The following GPR176 variants were observed in gnomAD, a reference collection of about 807,000 sequenced individuals.
The protein encoded by GPR176 is G-protein coupled receptor 176.
Under a neutral mutation model 35.4 loss-of-function variants are expected in GPR176, and 26 were observed. The ratio of observed to expected loss-of-function variants is 0.74; its 90% CI spans 0.54 to 1.02. The LOEUF (loss-of-function observed/expected upper bound fraction) is 1.02. Among genes scored for constraint, GPR176 ranks in the 50% least tolerant of loss-of-function variants. The probability of loss-of-function intolerance (pLI) is 0.00; values close to 1 mark genes in which losing one functional copy is unlikely to be tolerated. For missense variants in GPR176, 597 were observed against 665.3 expected (o/e 0.90, Z 1.13); for synonymous variants, 278 against 271.3 (o/e 1.02, Z -0.24).
At chr15:39,803,076 A>G (rs758149760) in intron 2 of GPR176, among the ~76,000 whole-genome samples, 67 of 152,142 alleles carry the variant, frequency 4.4e-4, no homozygotes, top group Admixed American at 5.2e-4. Flanking sequence ...AGGGAACTGA[A>G]TAACTCTTTG....
intron 1 of GPR176, 98 bp downstream of exon 1, chr15:39,919,757 C>A: frequency 3.2e-6 from 3 of 951,528 alleles, no homozygotes; most frequent in South Asian, 5.1e-5. Context: ...CTTTGCCAGG[C>A]ACCCGAAACC....
intron 1 of GPR176, among the ~76,000 whole-genome samples, chr15:39,855,723 T>C (rs973059566): frequency 6.6e-6 from 1 of 152,228 alleles, no homozygotes; most frequent in Non-Finnish European, 1.5e-5. Context: ...TTCTGTGAGT[T>C]GCCAAATATC....
intron 1 of GPR176, among the ~76,000 whole-genome samples, chr15:39,881,276 A>G (rs953233151): frequency 6.6e-6 from 1 of 152,236 alleles, no homozygotes; most frequent in Non-Finnish European, 1.5e-5. Flanking sequence ...TCATCTTTAT[A>G]TCTCCAGCAT....
At chr15:39,872,930 TGTGTGTGTGTGTGTGTG>T (rs2032102856) in intron 1 of GPR176, among the ~76,000 whole-genome samples, 1 of 29,474 alleles carries the variant, frequency 3.4e-5, no homozygotes, top group Non-Finnish European at 6.0e-5. Context: ...TGTGTGTGTG[TGTGTGTGTGTGTGTGTG>T]TGTGTGTGTG....
chr15:39,842,688 A>C (rs779678429), intron 1 of GPR176, among the ~76,000 whole-genome samples: 44 of 152,226 alleles, frequency 2.9e-4, no homozygotes, highest in Non-Finnish European at 5.6e-4. Flanking sequence ...TCAGACACTG[A>C]ATCTGCCTCT....
At chr15:39,829,334 A>C in intron 1 of GPR176, 1 of 1,352,912 alleles carries the variant, frequency 7.4e-7, no homozygotes, top group Non-Finnish European at 9.5e-7. Flanking sequence ...AGAATGCCAA[A>C]GTTCCATGGG....
chr15:39,902,610 C>A (rs2033311520), intron 1 of GPR176, among the ~76,000 whole-genome samples: 1 of 152,172 alleles, frequency 6.6e-6, no homozygotes, highest in East Asian at 1.9e-4. Context: ...ATGAAAGGGT[C>A]TGAAAACTGA....
chr15:39,913,238 G>T (rs2033626244), intron 1 of GPR176, among the ~76,000 whole-genome samples: 1 of 152,170 alleles, frequency 6.6e-6, no homozygotes, highest in African/African-American at 2.4e-5. Context: ...TATGGAACAG[G>T]TAAATTTATA....
intron 1 of GPR176, among the ~76,000 whole-genome samples, chr15:39,870,711 T>G (rs369508540): frequency 6.6e-6 from 1 of 152,228 alleles, no homozygotes; most frequent in East Asian, 1.9e-4. Flanking sequence ...CTCCCTTGAT[T>G]ACACTGCATA....
intron 1 of GPR176, among the ~76,000 whole-genome samples, chr15:39,859,046 C>T (rs1213676496): frequency 1.3e-5 from 2 of 152,040 alleles, no homozygotes; most frequent in Non-Finnish European, 2.9e-5. Flanking sequence ...CACACCTGGC[C>T]ACAAAATACA....
chr15:39,914,189 A>T (rs2033662783), intron 1 of GPR176, among the ~76,000 whole-genome samples: 1 of 152,226 alleles, frequency 6.6e-6, no homozygotes, highest in African/African-American at 2.4e-5. Context: ...GAATTCTATC[A>T]TATAGACATC....
intron 1 of GPR176, among the ~76,000 whole-genome samples, chr15:39,893,299 A>T (rs1199968672): frequency 1.3e-5 from 2 of 152,022 alleles, no homozygotes; most frequent in African/African-American, 4.8e-5. Flanking sequence ...GGGAGTGGTG[A>T]TGACTCTTAA....
At chr15:39,895,604 A>G (rs1228971790) in intron 1 of GPR176, among the ~76,000 whole-genome samples, 3 of 152,214 alleles carry the variant, frequency 2.0e-5, no homozygotes, top group Admixed American at 6.5e-5. Flanking sequence ...ATTAGGCTAG[A>G]TACTCACACA....
At chr15:39,843,231 A>C (rs773261682) in intron 1 of GPR176, among the ~76,000 whole-genome samples, 4 of 152,238 alleles carry the variant, frequency 2.6e-5, no homozygotes, top group Non-Finnish European at 5.9e-5. Context: ...TGTCCCATGC[A>C]AGTCCTAGAA....
chr15:39,841,626 A>G (rs949949365), intron 1 of GPR176, among the ~76,000 whole-genome samples: 4 of 152,138 alleles, frequency 2.6e-5, no homozygotes, highest in African/African-American at 9.6e-5. Context: ...ATGGGCAAGG[A>G]AGGGTTCCCC....
chr15:39,838,631 AG>A (rs1378512322), intron 1 of GPR176, among the ~76,000 whole-genome samples: 1 of 152,202 alleles, frequency 6.6e-6, no homozygotes, highest in African/African-American at 2.4e-5. Context: ...AAAATTCAAC[AG>A]CCCTTCATGC....
chr15:39,872,047 C>T (rs1234427204), intron 1 of GPR176, among the ~76,000 whole-genome samples: 3 of 152,154 alleles, frequency 2.0e-5, no homozygotes, highest in African/African-American at 7.2e-5. Context: ...AATATGCAAC[C>T]CACTGAGTTA....
chr15:39,804,060 A>G (rs1899049434), intron 2 of GPR176, among the ~76,000 whole-genome samples: 1 of 152,218 alleles, frequency 6.6e-6, no homozygotes, highest in Non-Finnish European at 1.5e-5. Flanking sequence ...CCACCTGTAC[A>G]CATGAATAGA....
At chr15:39,919,376 A>C (rs2140884664) in intron 1 of GPR176, among the ~76,000 whole-genome samples, 1 of 152,276 alleles carries the variant, frequency 6.6e-6, no homozygotes, top group East Asian at 1.9e-4. Context: ...CACGCAGTAA[A>C]ACACGCACAA....
Sources: gnomAD v4.1 joint callset for allele counts (sites outside exome capture counted in the v4.1 genomes callset) on GRCh38, gnomAD v4.1.1 for gene constraint, MANE v1.5 for transcripts, NCBI Gene and HGNC (gene_info 2026-07-23, HGNC 2026-07-21) for gene names.